Variants in DPP10 observed in about 807,000 individuals in gnomAD.
The protein encoded by DPP10 is dipeptidyl peptidase like 10.
Under a neutral mutation model 120.9 loss-of-function variants are expected in DPP10, and 33 were observed. The observed-to-expected ratio is 0.27, with a 90% CI of 0.21 to 0.37. The LOEUF is 0.37. Ranked by LOEUF, DPP10 falls within the 10% of genes least tolerant of loss-of-function variation. The probability of loss-of-function intolerance (pLI) is 1.00; values close to 1 mark genes in which losing one functional copy is unlikely to be tolerated. For synonymous variants in DPP10, 337 were observed against 326.1 expected, an observed-to-expected ratio of 1.03 and a Z score of -0.36; for missense variants, 816 against 942.8, an observed-to-expected ratio of 0.87 and a Z score of 1.76.
intron 1 of DPP10, among the ~76,000 whole-genome samples, chr2:114,937,797 T>C (rs1384529550): frequency 1.3e-5 from 2 of 152,158 alleles, no homozygotes; most frequent in Non-Finnish European, 2.9e-5. Context: ...AGTACTTGGA[T>C]GGGAGACCTC....
At chr2:114,456,648 G>A (rs938304043) in intron 1 of DPP10, among the ~76,000 whole-genome samples, 1 of 152,176 alleles carries the variant, frequency 6.6e-6, no homozygotes, top group African/African-American at 2.4e-5. Flanking sequence ...TATATACACT[G>A]TATAGTTTTA....
intron 1 of DPP10, among the ~76,000 whole-genome samples, chr2:115,293,040 T>C (rs1030242656): frequency 6.6e-6 from 1 of 152,082 alleles, no homozygotes; most frequent in Non-Finnish European, 1.5e-5. Flanking sequence ...GAAACTTTGA[T>C]GTTTATAAGC....
At chr2:115,536,399 A>G (rs551375508) in intron 5 of DPP10, among the ~76,000 whole-genome samples, 1 of 152,120 alleles carries the variant, frequency 6.6e-6, no homozygotes, top group African/African-American at 2.4e-5. Flanking sequence ...TCAACTCAAT[A>G]TCTTTAATAT....
intron 1 of DPP10, among the ~76,000 whole-genome samples, chr2:115,151,454 C>T (rs954427580): frequency 1.3e-5 from 2 of 150,908 alleles, no homozygotes; most frequent in Admixed American, 6.6e-5. Flanking sequence ...CACTGTCACC[C>T]GGGAGTGCAA....
chr2:115,134,619 G>A (rs2050551125), intron 1 of DPP10, among the ~76,000 whole-genome samples: 1 of 152,020 alleles, frequency 6.6e-6, no homozygotes, highest in Admixed American at 6.6e-5. Context: ...ATAGCTCAAA[G>A]TATGAAGAAG....
chr2:115,760,175 T>C (rs1679942114), intron 11 of DPP10, among the ~76,000 whole-genome samples: 1 of 152,172 alleles, frequency 6.6e-6, no homozygotes, highest in Non-Finnish European at 1.5e-5. Context: ...TATTTAATTG[T>C]CCACTAACAG....
rs138012438 is a variant in DPP10, at chr2:115,644,383, A to G, written c.442-45304A>G. ...TGTGTCCAAGTGTTCTCATTGTTCA[A>G]TTCCCACCTATGAGTGAGAACATGC... On this transcript the variant is annotated intron_variant, in intron 5 of 25. Coordinates refer to ENST00000410059, the MANE Select transcript of DPP10 (RefSeq NM_020868.6). Among the ~76,000 whole-genome samples the G allele has an allele frequency of 7.0e-3, 1,057 of 152,042 alleles. 12 individuals carry two copies. Among genetic ancestry groups the G allele is most frequent in the African/African-American group, 0.024 (1,003 of 41,462 alleles).
chr2:115,608,367 G>C (rs1241007458), intron 5 of DPP10, among the ~76,000 whole-genome samples: 1 of 151,970 alleles, frequency 6.6e-6, no homozygotes, highest in African/African-American at 2.4e-5. Flanking sequence ...TCCACCCTGG[G>C]CAACAGAACA....
chr2:115,831,071 T>C (rs532258690), intron 21 of DPP10, among the ~76,000 whole-genome samples: 40 of 152,246 alleles, frequency 2.6e-4, no homozygotes, highest in African/African-American at 9.4e-4. Flanking sequence ...TGTGATAAAA[T>C]GTGAGTGATT....
intron 1 of DPP10, chr2:114,835,416 A>G (rs1687652083): frequency 2.0e-5 from 3 of 152,218 alleles, no homozygotes; most frequent in Admixed American, 1.3e-4. Flanking sequence ...ACCTATGTAT[A>G]TATAAGACAT....
At chr2:114,623,394 A>G (rs530560700) in intron 1 of DPP10, among the ~76,000 whole-genome samples, 1 of 152,264 alleles carries the variant, frequency 6.6e-6, no homozygotes, top group African/African-American at 2.4e-5. Context: ...AGTTCATTTT[A>G]AAAGACAAAT....
intron 1 of DPP10, among the ~76,000 whole-genome samples, chr2:114,914,217 G>A (rs1225703995): frequency 6.6e-6 from 1 of 152,082 alleles, no homozygotes; most frequent in Non-Finnish European, 1.5e-5. Context: ...TAAATTAAAT[G>A]AGATGCTATA....
rs149872321 is a variant in DPP10, at chr2:115,274,709, A to G, written c.61-34530A>G. On this transcript the variant is annotated intron_variant, in intron 1 of 25. Coordinates refer to ENST00000410059, the MANE Select transcript of DPP10 (RefSeq NM_020868.6). Reference sequence around the variant, plus strand: ...TGAGAAAGTCAGAAACTCAGATTGAATGTGAATTTAACCCTGCACATGGAA... The same window carrying G: ...TGAGAAAGTCAGAAACTCAGATTGAGTGTGAATTTAACCCTGCACATGGAA... Among the ~76,000 whole-genome samples the G allele has an allele frequency of 5.6e-3, 850 of 152,332 alleles. 1 individual carries two copies. The highest frequency in any genetic ancestry group is 8.7e-3 in the Non-Finnish European group (590 of 68,032).
intron 1 of DPP10, among the ~76,000 whole-genome samples, chr2:115,032,946 A>AT (rs1165181875): frequency 1.3e-5 from 2 of 151,834 alleles, no homozygotes; most frequent in African/African-American, 2.4e-5. Context: ...GGTAGACTTT[A>AT]TAAACGTTTT....
At chr2:115,387,268 G>A (rs968696063) in intron 3 of DPP10, among the ~76,000 whole-genome samples, 4 of 152,122 alleles carry the variant, frequency 2.6e-5, no homozygotes, top group African/African-American at 4.8e-5. Context: ...AATCCTTAGC[G>A]TGTTTCTCCC....
chr2:114,545,033 G>A (rs1687270718), intron 1 of DPP10, among the ~76,000 whole-genome samples: 1 of 151,952 alleles, frequency 6.6e-6, no homozygotes, highest in Admixed American at 6.6e-5. Flanking sequence ...TGTATATTTA[G>A]TAGAGACGGG....
intron 1 of DPP10, among the ~76,000 whole-genome samples, chr2:115,007,744 T>G (rs1474181951): frequency 4.8e-4 from 72 of 151,246 alleles, no homozygotes; most frequent in African/African-American, 1.6e-3. Flanking sequence ...GGATACAAAA[T>G]CAATGTGCAA....
chr2:114,531,508 T>C (rs1010219129), intron 1 of DPP10, among the ~76,000 whole-genome samples: 5 of 147,996 alleles, frequency 3.4e-5, no homozygotes, highest in Non-Finnish European at 6.0e-5. Flanking sequence ...TATATCTATG[T>C]ATACCATATA....
chr2:115,288,951 A>G (rs1209286883), intron 1 of DPP10, among the ~76,000 whole-genome samples: 1 of 152,132 alleles, frequency 6.6e-6, no homozygotes. Context: ...CAGAGCAATC[A>G]TGCAAGAGAA....
Sources: gnomAD v4.1 joint callset for allele counts (sites outside exome capture counted in the v4.1 genomes callset) on GRCh38, gnomAD v4.1.1 for gene constraint, MANE v1.5 for transcripts, NCBI Gene and HGNC (gene_info 2026-07-23, HGNC 2026-07-21) for gene names.